The following SYNE1 variants were observed in gnomAD, a reference collection of about 807,000 sequenced individuals.
The protein encoded by SYNE1 is nesprin-1.
Under a neutral mutation model 1,111.0 loss-of-function variants are expected in SYNE1, and 616 were observed. The observed-to-expected ratio is 0.55, with a 90% CI of 0.52 to 0.59. SYNE1 has a LOEUF of 0.59. Ranked by LOEUF, SYNE1 falls within the 20% of genes least tolerant of loss-of-function variation. The probability of loss-of-function intolerance (pLI) is 0.00; values close to 1 mark genes in which losing one functional copy is unlikely to be tolerated. For missense variants in SYNE1, 10,006 were observed against 10,417.0 expected (o/e 0.96, Z 1.72); for synonymous variants, 3,855 against 3,825.8 (o/e 1.01, Z -0.28).
At chr6:152,562,800 TA>T (rs1259353193) in intron 3 of SYNE1, among the ~76,000 whole-genome samples, 2 of 152,184 alleles carry the variant, frequency 1.3e-5, no homozygotes, top group African/African-American at 4.8e-5. Context: ...TTAAAGTATA[TA>T]TTTTTTTAAA....
intron 32 of SYNE1, among the ~76,000 whole-genome samples, chr6:152,440,044 A>G (rs1265852173): frequency 6.6e-6 from 1 of 152,174 alleles, no homozygotes; most frequent in African/African-American, 2.4e-5. Context: ...TGTCTCCGTC[A>G]GACTCAAAAC....
At chr6:152,302,211 G>A in intron 91 of SYNE1, 148 bp from the exon 92 acceptor site, 1 of 1,044,946 alleles carries the variant, frequency 9.6e-7, no homozygotes, top group Admixed American at 2.0e-5. Context: ...GAGTCCTCCT[G>A]CATCTCGCTA....
chr6:152,363,002 G>T (rs1024666567), intron 63 of SYNE1, among the ~76,000 whole-genome samples: 15 of 150,274 alleles, frequency 1.0e-4, no homozygotes, highest in Non-Finnish European at 1.3e-4. Context: ...TTCCTCAGCC[G>T]CCCGAGTAGC....
chr6:152,139,870 G>A (rs1193813440), intron 140 of SYNE1, 80 bp downstream of exon 140: 31 of 1,486,256 alleles, frequency 2.1e-5, no homozygotes, highest in African/African-American at 5.5e-5. Context: ...AGAGCAGCTC[G>A]AACTAGAGGT....
intron 3 of SYNE1, among the ~76,000 whole-genome samples, chr6:152,604,585 T>C (rs2099606296): frequency 1.3e-5 from 2 of 152,104 alleles, no homozygotes; most frequent in Non-Finnish European, 2.9e-5. Flanking sequence ...ATTACAGGCA[T>C]GAGCCACTGT....
intron 4 of SYNE1, among the ~76,000 whole-genome samples, chr6:152,530,192 C>G (rs2099189497): frequency 6.6e-6 from 1 of 152,224 alleles, no homozygotes; most frequent in South Asian, 2.1e-4. Context: ...TGAGTTAAGT[C>G]TGTCTTGCCC....
At chr6:152,421,103 C>G (rs894735787) in intron 39 of SYNE1, among the ~76,000 whole-genome samples, 1 of 152,128 alleles carries the variant, frequency 6.6e-6, no homozygotes, top group Admixed American at 6.5e-5. Context: ...AATGAAAAGC[C>G]CTTGGGAAGA....
chr6:152,226,785 A>G (rs1562324969), intron 115 of SYNE1, among the ~76,000 whole-genome samples: 1 of 152,146 alleles, frequency 6.6e-6, no homozygotes, highest in African/African-American at 2.4e-5. Flanking sequence ...TTTGGAGCCT[A>G]TGGACTCCCA....
chr6:152,310,742 C>T lies in SYNE1; in HGVS notation c.16842G>A (p.Glu5614=), dbSNP rs1359480390. 6.2e-7 allele frequency: 1 copy of T among 1,613,980 alleles called. No homozygotes were observed. The highest frequency in any genetic ancestry group is 2.2e-5 in the East Asian group (1 of 44,862). The change falls in exon 88 of 146, where the codon GAG becomes GAA. Residue 5614 remains glutamate (E), a synonymous_variant. Transcript: ENST00000367255. Reference sequence around the variant, plus strand: ...GAATTTTGATCATCTGTCGCAACTCCTCAGTCTCCCGTCCCAGTTCTGCCA... The same window carrying T: ...GAATTTTGATCATCTGTCGCAACTCTTCAGTCTCCCGTCCCAGTTCTGCCA... The part of the protein sequence containing the change: ...QQVAELGRET[E]ELRQMIKIRL...
At chr6:152,175,666 C>T (rs561356284) in intron 130 of SYNE1, among the ~76,000 whole-genome samples, 2 of 152,318 alleles carry the variant, frequency 1.3e-5, no homozygotes, top group South Asian at 4.1e-4. Flanking sequence ...TGCCTAAGTT[C>T]CAACATGAAG....
Position 152,390,286 on chromosome 6 carries a change from G to GCCCA in SYNE1, c.8170_8171insTGGG (p.Ala2724ValfsTer11). On this transcript the variant is annotated frameshift_variant, in exon 53 of 146. Transcript: ENST00000367255. LOFTEE classifies it high-confidence loss of function. ...CTAAAAATAGGTTCTGTACCTTTGA[G>GCCCA]CGTGGACGGAGGAGCTCATGATGTC... 6.2e-7 allele frequency: 1 copy of GCCCA among 1,613,954 alleles called. No homozygotes were observed. The highest frequency in any genetic ancestry group is 8.5e-7 in the Non-Finnish European group (1 of 1,179,934).
chr6:152,413,985 A>AATATAT (rs3046241), intron 41 of SYNE1, among the ~76,000 whole-genome samples: 7 of 145,558 alleles, frequency 4.8e-5, no homozygotes, highest in Admixed American at 1.4e-4. Context: ...AGCTCTGCAG[A>AATATAT]ATATATATAT....
intron 98 of SYNE1, among the ~76,000 whole-genome samples, chr6:152,276,622 C>T (rs534829187): frequency 6.6e-6 from 1 of 152,244 alleles, no homozygotes; most frequent in South Asian, 2.1e-4. Context: ...GTCCTACTTC[C>T]TACCAGTATT....
intron 131 of SYNE1, among the ~76,000 whole-genome samples, chr6:152,160,110 G>A (rs538409196): frequency 2.6e-5 from 4 of 152,096 alleles, no homozygotes; most frequent in Admixed American, 6.5e-5. Flanking sequence ...TGGTTCAAGC[G>A]ATTCTCCTGC....
intron 87 of SYNE1, among the ~76,000 whole-genome samples, chr6:152,312,736 C>G (rs983927891): frequency 3.4e-4 from 52 of 151,490 alleles, no homozygotes; most frequent in African/African-American, 7.2e-4. Context: ...TATCTCATCA[C>G]TTTATAACCC....
Position 152,141,295 on chromosome 6 carries a change from T to C in SYNE1, c.25154A>G (p.Asp8385Gly). Reference sequence around the variant, plus strand: ...TTTGTGCTCCAGTCTCTTCACGGAGTCTATACTGCTACTGCATTCGCCCAG... The same window carrying C: ...TTTGTGCTCCAGTCTCTTCACGGAGCCTATACTGCTACTGCATTCGCCCAG... The part of the protein sequence containing the change: ...KLLGECSSSI[D>G]SVKRLEHKLK... The change falls in exon 139 of 146, where the codon GAC (aspartate) becomes GGC (glycine). Residue 8385 changes from aspartate (D) to glycine (G), a missense_variant. By Grantham distance (94) the Asp-to-Gly change is moderately conservative. Transcript: ENST00000367255. 6.2e-7 allele frequency: 1 copy of C among 1,614,060 alleles called. No homozygotes were observed.
intron 126 of SYNE1, among the ~76,000 whole-genome samples, chr6:152,205,448 C>T (rs537341277): frequency 2.6e-5 from 4 of 152,168 alleles, no homozygotes; most frequent in African/African-American, 7.2e-5. Flanking sequence ...CCCACTCTAC[C>T]GATGAGGAAA....
At chr6:152,170,832 A>G (rs188280545) in intron 130 of SYNE1, among the ~76,000 whole-genome samples, 1 of 152,116 alleles carries the variant, frequency 6.6e-6, no homozygotes, top group East Asian at 1.9e-4. Flanking sequence ...CCCAAATCTC[A>G]TCTTGACTTG....
intron 105 of SYNE1, among the ~76,000 whole-genome samples, chr6:152,244,940 G>A (rs2086734937): frequency 6.6e-6 from 1 of 152,104 alleles, no homozygotes; most frequent in Non-Finnish European, 1.5e-5. Context: ...AAACAAAAAA[G>A]GGAGTTTTGA....
Sources: gnomAD v4.1 joint callset for allele counts (sites outside exome capture counted in the v4.1 genomes callset) on GRCh38, gnomAD v4.1.1 for gene constraint, MANE v1.5 for transcripts, NCBI Gene and HGNC (gene_info 2026-07-23, HGNC 2026-07-21) for gene names.